LRCOL1: variants seen among roughly 807,000 people sequenced by gnomAD.
LRCOL1 encodes the protein leucine rich colipase like 1.
LRCOL1 carries 21 observed loss-of-function variants against 21.6 expected under a neutral mutation model. That is an observed-to-expected ratio of 0.97 (90% CI 0.69 to 1.40). The LOEUF (loss-of-function observed/expected upper bound fraction) is 1.40. Among genes scored for constraint, LRCOL1 ranks in the 40% most tolerant of loss-of-function variants. The pLI, the probability that LRCOL1 is intolerant of heterozygous loss-of-function variation, is 0.00. For synonymous variants in LRCOL1, 98 were observed against 90.1 expected (o/e 1.09, Z -0.49); for missense variants, 198 against 202.3 (o/e 0.98, Z 0.13).
In LRCOL1 at chr12:132,604,295, A is replaced by G. The variant is rs1274657296; in HGVS notation, c.436T>C (p.Cys146Arg). ...GCCAGGATCCCGGTCCGGGGAATGC[A>G]GCGGAAGGGGCTGTACTCCCTCAGC... is the stretch of plus-strand genomic sequence containing the variant. The part of the protein sequence containing the change: ...IQLREYSPFR[C>R]IPRTGILAQC... The change falls in exon 5 of 6, where the codon TGC (cysteine) becomes CGC (arginine). Residue 146 changes from cysteine to arginine, a missense_variant. Physicochemically the swap from Cys to Arg is radical, Grantham distance 180 (BLOSUM62 -3). Coordinates refer to ENST00000376608, the MANE Select transcript of LRCOL1 (RefSeq NM_001195520.2). 1 of 1,535,642 alleles carries G rather than the reference A, an allele frequency of 6.5e-7. No individual in the cohort carries two copies. Among genetic ancestry groups the G allele is most frequent in the Non-Finnish European group, 8.7e-7 (1 of 1,146,772 alleles).
At chr12:132,605,451 A>G (rs11146965) in intron 2 of LRCOL1, among the ~76,000 whole-genome samples, 67,331 of 152,164 alleles carry the variant, frequency 0.44, 15,232 homozygotes, top group East Asian at 0.63. Flanking sequence ...TTTTCTGGCC[A>G]GGCGCAGTGG....
At chr12:132,603,748 G>A (rs2041259171) in intron 5 of LRCOL1, 5 of 985,256 alleles carry the variant, frequency 5.1e-6, no homozygotes, top group Non-Finnish European at 6.0e-6. Context: ...CGCCCCCACC[G>A]CGTTTGCGCC....
chr12:132,604,688 C>A lies in LRCOL1; in HGVS notation c.231+18G>T. ...AGGCAGTCTCGCTCCTCCACCCCCG[C>A]CCCTGCACGCACCTCACCTTCCTCC... On this transcript the variant is annotated intron_variant, in intron 3 of 5. Coordinates refer to ENST00000376608, the MANE Select transcript of LRCOL1 (RefSeq NM_001195520.2). 6.5e-7 allele frequency: 1 copy of A among 1,534,044 alleles called. No individual in the cohort carries two copies. The highest frequency in any genetic ancestry group is 8.7e-7 in the Non-Finnish European group (1 of 1,145,614).
chr12:132,603,642 TGGTGGTACCC>T, intron 5 of LRCOL1: 3 of 233,884 alleles, frequency 1.3e-5, no homozygotes, highest in Non-Finnish European at 1.6e-5. Context: ...CGAGGGCGCC[TGGTGGTACCC>T]GAGGGCTGTG....
chr12:132,606,323 C>G lies in LRCOL1; in HGVS notation c.-13-59G>C, dbSNP rs2041310430. The G allele has an allele frequency of 6.9e-7, 1 of 1,451,424 alleles. No homozygotes were observed. The highest frequency in any genetic ancestry group is 9.3e-7 in the Non-Finnish European group (1 of 1,074,832). The allele number at this position is 1,451,424 out of a possible 1,614,324, so 89.9% of individuals were successfully genotyped here. A position where few individuals can be genotyped will look rare whatever the true frequency, so the allele number is the denominator to read the frequency against. On this transcript the variant is annotated intron_variant, in intron 1 of 5. Coordinates refer to ENST00000376608, the MANE Select transcript of LRCOL1 (RefSeq NM_001195520.2). This position sits in a 1 kb window ranked among gnomAD's most constrained non-coding sequence, Gnocchi z 4.6. ...CACGCCAGCCTTGTCCTGCCTGGCA[C>G]CTGGTGCTGGCCTCCCCACTCCCTT...
In LRCOL1 at chr12:132,606,163, A is replaced by G. The variant is rs892290923; in HGVS notation, c.89T>C (p.Leu30Ser). The change falls in exon 2 of 6, where the codon TTG becomes TCG. Residue 30 changes from leucine (L) to serine (S), a missense_variant. Physicochemically the swap from Leu to Ser is moderately radical, Grantham distance 145. Coordinates refer to ENST00000376608, the MANE Select transcript of LRCOL1 (RefSeq NM_001195520.2). The surrounding 1 kb of genome is among the most constrained non-coding windows in gnomAD (Gnocchi z 4.6). ...SMAGYGPQKK[L>S]NLSHKGIGEP... Reference sequence around the variant, plus strand: ...GGCACCCACCTTATGGGACAGGTTCAACTTCTTCTGTGGCCCATACCCTGC... The same window carrying G: ...GGCACCCACCTTATGGGACAGGTTCGACTTCTTCTGTGGCCCATACCCTGC... 3.3e-6 allele frequency: 5 copies of G among 1,536,372 alleles called. No individual in the cohort carries two copies. The Admixed American group carries it at 9.8e-5, about 30-fold the overall frequency.
intron 5 of LRCOL1, chr12:132,604,028 G>C (rs1200771875): frequency 1.5e-6 from 2 of 1,376,892 alleles, no homozygotes; most frequent in African/African-American, 1.5e-5. Flanking sequence ...CCGGGCACCC[G>C]TGCCCTGCGG....
chr12:132,604,099 G>A lies in LRCOL1; in HGVS notation c.477+155C>T, dbSNP rs1013781059. ...TCTGCGGCCCCCACCTTATGAGATG[G>A]GCGGTGAAGCGCCGGCCTCTCCCAG... On this transcript the variant is annotated intron_variant, in intron 5 of 5. Transcript: ENST00000376608. The A allele has an allele frequency of 3.5e-6, 5 of 1,430,614 alleles. No individual in the cohort carries two copies. The Admixed American group carries it at 1.4e-4, about 41-fold the overall frequency. The allele number at this position is 1,430,614 out of a possible 1,614,324, so 88.6% of individuals were successfully genotyped here.
In LRCOL1 at chr12:132,604,447, G is replaced by C. The variant is rs2041274155; in HGVS notation, c.354+15C>G. ...GCTACCCCTGCTCCATCTGCCCCGG[G>C]TGCCCGCAGCTCACCTTGCGCCAGG... On this transcript the variant is annotated intron_variant, in intron 4 of 5. Transcript: ENST00000376608. 2 of 1,528,668 alleles carry C rather than the reference G, an allele frequency of 1.3e-6. No individual in the cohort carries two copies. The highest frequency in any genetic ancestry group is 1.7e-6 in the Non-Finnish European group (2 of 1,145,054). The allele number at this position is 1,528,668 out of a possible 1,614,324, so 94.7% of individuals were successfully genotyped here.
At chr12:132,604,397 C>G (rs755628931) in intron 4 of LRCOL1, 21 bp from the exon 5 acceptor site, 278 of 1,534,476 alleles carry the variant, frequency 1.8e-4, no homozygotes, top group Non-Finnish European at 2.4e-4. Context: ...AGCCAGGCAG[C>G]AGTCGTGGAG....
chr12:132,609,174 C>G lies in LRCOL1; in HGVS notation c.-14+1149G>C, dbSNP rs539506400. Among the ~76,000 whole-genome samples, 7 of 152,310 alleles carry G rather than the reference C, an allele frequency of 4.6e-5. No individual in the cohort carries two copies. The East Asian group carries it at 9.6e-4, about 21-fold the overall frequency. ...CCCTGAGGACCTGATGCTGAGGGAACGAGCCCCTCTCAGAAGCTCAAATAC... is the reference window on the plus strand; with the variant it reads ...CCCTGAGGACCTGATGCTGAGGGAAGGAGCCCCTCTCAGAAGCTCAAATAC... On this transcript the variant is annotated intron_variant, in intron 1 of 5. Transcript: ENST00000376608.
In LRCOL1 at chr12:132,604,733, G is replaced by T; in HGVS notation, c.204C>A (p.Ile68=). The change falls in exon 3 of 6, where the codon ATC becomes ATA. Residue 68 remains isoleucine, a synonymous_variant. Transcript: ENST00000376608. Reference sequence around the variant, plus strand: ...TCCTCCAGGGCAGGCACTGCAGGAAGATGGTCTTAGGGGTGCAGAGCGTGT... The same window carrying T: ...TCCTCCAGGGCAGGCACTGCAGGAATATGGTCTTAGGGGTGCAGAGCGTGT... The part of the protein sequence containing the change: ...APHTLCTPKT[I]FLQCLPWRKP... 6.5e-7 allele frequency: 1 copy of T among 1,536,232 alleles called. No individual in the cohort carries two copies. The highest frequency in any genetic ancestry group is 8.7e-7 in the Non-Finnish European group (1 of 1,146,916).
At chr12:132,609,867 C>T (rs1283454832) in intron 1 of LRCOL1, among the ~76,000 whole-genome samples, 1 of 152,220 alleles carries the variant, frequency 6.6e-6, no homozygotes, top group Non-Finnish European at 1.5e-5. Flanking sequence ...GGGACATTTG[C>T]TTAAAAATCT....
chr12:132,610,061 T>C (rs1166992744), intron 1 of LRCOL1, among the ~76,000 whole-genome samples: 10 of 152,234 alleles, frequency 6.6e-5, no homozygotes, highest in African/African-American at 2.2e-4. Context: ...GGGCTGGTGC[T>C]GTAACCCCTG....
chr12:132,603,366 C>T lies in LRCOL1; in HGVS notation c.*36G>A, dbSNP rs1380797440. ...CGGTCCTGCGTGAACATCCCAGGGC[C>T]CAGGCCGGTCCCTCGCGCCCAGGTT... On this transcript the variant is annotated 3_prime_UTR_variant, in exon 6 of 6. Coordinates refer to ENST00000376608, the MANE Select transcript of LRCOL1 (RefSeq NM_001195520.2). 4.6e-6 allele frequency: 7 copies of T among 1,536,016 alleles called. No homozygotes were observed. Among genetic ancestry groups the T allele is most frequent in the Non-Finnish European group, 6.1e-6 (7 of 1,146,870 alleles).
Position 132,603,289 on chromosome 12 carries a change from A to G in LRCOL1, c.*113T>C, listed in dbSNP as rs1028243405. 81 of 1,456,744 alleles carry G rather than the reference A, an allele frequency of 5.6e-5. No homozygotes were observed. The highest frequency in any genetic ancestry group is 7.5e-5 in the Non-Finnish European group (81 of 1,078,782). 90.2% of individuals were successfully genotyped at this position (1,456,744 alleles called of 1,614,324 possible). ...CACAGATTTTCAGAGCCCCAGAAAC[A>G]GCAGCACAAACCGTAAGGGAAGCTT... is the stretch of plus-strand genomic sequence containing the variant. On this transcript the variant is annotated 3_prime_UTR_variant, in exon 6 of 6. Transcript: ENST00000376608.
intron 2 of LRCOL1, chr12:132,605,147 A>G (rs1593650274): frequency 1.7e-6 from 2 of 1,161,062 alleles, no homozygotes; most frequent in Non-Finnish European, 2.1e-6. Context: ...TTACAGGAGA[A>G]GAAACAGGCT....
chr12:132,606,188 CCATGGACCCCAGCAG>C lies in LRCOL1; in HGVS notation c.49_63del (p.Leu17_Met21del). The C allele has an allele frequency of 2.6e-6, 4 of 1,536,654 alleles. No individual in the cohort carries two copies. Among genetic ancestry groups the C allele is most frequent in the Non-Finnish European group, 3.5e-6 (4 of 1,146,944 alleles). On this transcript the variant is annotated inframe_deletion, in exon 2 of 6. Transcript: ENST00000376608. The surrounding 1 kb of genome is among the most constrained non-coding windows in gnomAD (Gnocchi z 4.6). ...AACTTCTTCTGTGGCCCATACCCTGCCATGGACCCCAGCAGCAGCAGCAGCAGCAGCAGTAGCAGC... is the reference window on the plus strand; with the variant it reads ...AACTTCTTCTGTGGCCCATACCCTGCCAGCAGCAGCAGCAGCAGTAGCAGC...
At position 132,604,538 on chromosome 12, in the gene LRCOL1, C is replaced by G; in HGVS notation, c.278G>C (p.Cys93Ser). The G allele has an allele frequency of 6.5e-7, 1 of 1,536,182 alleles. No homozygotes were observed. The highest frequency in any genetic ancestry group is 8.7e-7 in the Non-Finnish European group (1 of 1,146,894). Residue 93 changes from cysteine (C) to serine (S), a missense_variant, in exon 4 of 6, where the codon TGC (cysteine) becomes TCC (serine). Cys to Ser is a moderately radical substitution (Grantham distance 112). Coordinates refer to ENST00000376608, the MANE Select transcript of LRCOL1 (RefSeq NM_001195520.2). ...CSHDSECQSS[C>S]CVRNNSPQEL... ...CTGCGGGCTGTTGTTGCGGACGCAG[C>G]AGCTGCTCTGGCACTCTGAGTCGTG...
Sources: gnomAD v4.1 joint callset for allele counts (sites outside exome capture counted in the v4.1 genomes callset) on GRCh38, gnomAD v4.1.1 for gene constraint, Gnocchi (gnomAD v3.1) non-coding constraint, MANE v1.5 for transcripts, NCBI Gene and HGNC (gene_info 2026-07-23, HGNC 2026-07-21) for gene names.